DCP1B: variants seen among roughly 807,000 people sequenced by gnomAD.
DCP1B encodes the protein decapping mRNA 1B, also known as mRNA-decapping enzyme 1B.
Under a neutral mutation model 60.5 loss-of-function variants are expected in DCP1B, and 47 were observed. That is an observed-to-expected ratio of 0.78 (90% CI 0.61 to 0.99). The LOEUF (loss-of-function observed/expected upper bound fraction) is 0.99, where lower values mean the gene tolerates loss of function less well. Ranked by LOEUF, DCP1B falls within the 50% of genes least tolerant of loss-of-function variation. DCP1B has a pLI of 0.00. For synonymous variants in DCP1B, 267 were observed against 280.3 expected, an observed-to-expected ratio of 0.95 and a Z score of 0.47; for missense variants, 725 against 756.8, an observed-to-expected ratio of 0.96 and a Z score of 0.49.
downstream of DCP1B, chr12:1,946,007 T>G: frequency 4.5e-6 from 2 of 449,256 alleles, no homozygotes; most frequent in South Asian, 3.8e-5. Flanking sequence ...GTTCTGTACA[T>G]GTACCCCAGA....
intron 5 of DCP1B, among the ~76,000 whole-genome samples, chr12:1,960,912 CCT>C (rs1488521934): frequency 6.6e-6 from 1 of 152,148 alleles, no homozygotes; most frequent in Non-Finnish European, 1.5e-5. Context: ...CATTTCACCC[CCT>C]TTCTTCTGTC....
intron 3 of DCP1B, among the ~76,000 whole-genome samples, chr12:1,974,740 A>G (rs1269988337): frequency 6.6e-6 from 1 of 152,178 alleles, no homozygotes; most frequent in African/African-American, 2.4e-5. Context: ...AATGACCTGA[A>G]AAATGTAAGA....
chr12:1,984,642 A>C (rs1408679923), intron 3 of DCP1B, among the ~76,000 whole-genome samples: 1 of 151,956 alleles, frequency 6.6e-6, no homozygotes, highest in Non-Finnish European at 1.5e-5. Flanking sequence ...AGAAAAAATA[A>C]ATCTTTTGTA....
At chr12:1,961,847 T>C (rs1378966810) in intron 5 of DCP1B, among the ~76,000 whole-genome samples, 3 of 152,114 alleles carry the variant, frequency 2.0e-5, no homozygotes, top group Non-Finnish European at 4.4e-5. Context: ...CTAAATTAAA[T>C]CTCCAGAACC....
chr12:1,990,984 CAA>C (rs58516806), intron 3 of DCP1B: 15,569 of 316,926 alleles, frequency 0.049, 126 homozygotes, highest in Middle Eastern at 0.073. Flanking sequence ...ATAGAAAGGA[CAA>C]AAAAAAAAAA....
rs2030844121 is a variant in DCP1B at position 1,955,352 on chromosome 12, C to T, written c.651+80G>A. On this transcript the variant is annotated intron_variant, in intron 6 of 8. Transcript: ENST00000280665. ...AAGCATTCTTCAACAACACCAGGCC[C>T]TCCCCTGACTATATTCTGGGTCAAA... 5.5e-6 allele frequency: 8 copies of T among 1,465,082 alleles called. No individual in the cohort carries two copies. In the South Asian group the frequency reaches 1.2e-4, roughly 23 times the overall value. 90.8% of individuals were successfully genotyped at this position (1,465,082 alleles called of 1,614,324 possible). A position where few individuals can be genotyped will look rare whatever the true frequency, so the allele number is the denominator to read the frequency against.
intron 3 of DCP1B, among the ~76,000 whole-genome samples, chr12:1,977,712 T>C (rs1226971732): frequency 2.0e-5 from 3 of 152,218 alleles, no homozygotes; most frequent in African/African-American, 2.4e-5. Flanking sequence ...AATTAATTAA[T>C]GGTAACATAG....
intron 3 of DCP1B, among the ~76,000 whole-genome samples, chr12:1,973,232 A>C (rs1459186422): frequency 6.6e-6 from 1 of 152,158 alleles, no homozygotes; most frequent in East Asian, 1.9e-4. Context: ...GTTTTACTGC[A>C]CCTCACAAAT....
rs762380372 is a variant in DCP1B at position 2,004,382 on chromosome 12, C to G, written c.50G>C (p.Ser17Thr). The G allele has an allele frequency of 3.7e-6, 6 of 1,612,826 alleles. No homozygotes were observed. The Admixed American group carries it at 1.0e-4, about 27-fold the overall frequency. ...GTCGTGGCGCTGCAGGGCCGCTAGG[C>G]TGATGTCGCGCCCCTTTCCCACCAG... ...GGLVGKGRDI[S>T]LAALQRHDPY... The change falls in exon 1 of 9, where the codon AGC becomes ACC. Residue 17 changes from serine (S) to threonine (T), a missense_variant. Ser to Thr is a moderately conservative substitution (Grantham distance 58). Transcript: ENST00000280665.
intron 4 of DCP1B, among the ~76,000 whole-genome samples, chr12:1,966,329 A>G (rs780839803): frequency 6.6e-6 from 1 of 152,242 alleles, no homozygotes. Context: ...TTAAAAAACC[A>G]CTTAGAGCAA....
At chr12:1,976,209 G>A (rs2034308243) in intron 3 of DCP1B, among the ~76,000 whole-genome samples, 1 of 152,150 alleles carries the variant, frequency 6.6e-6, no homozygotes, top group East Asian at 1.9e-4. Context: ...CATCACTCAA[G>A]TCACAGTAGA....
At chr12:1,958,327 G>A (rs780326241) in intron 5 of DCP1B, among the ~76,000 whole-genome samples, 4 of 144,924 alleles carry the variant, frequency 2.8e-5, no homozygotes, top group African/African-American at 5.1e-5. Context: ...GCTCCCTAAC[G>A]TCGCTCTGGG....
chr12:2,001,087 T>C (rs1266846884), intron 1 of DCP1B, among the ~76,000 whole-genome samples: 1 of 152,134 alleles, frequency 6.6e-6, no homozygotes, highest in Non-Finnish European at 1.5e-5. Flanking sequence ...TCAGATCTTT[T>C]GATGAAAAAA....
intron 2 of DCP1B, among the ~76,000 whole-genome samples, chr12:1,993,934 C>G (rs772828477): frequency 5.3e-5 from 8 of 152,120 alleles, no homozygotes; most frequent in Non-Finnish European, 8.8e-5. Context: ...GAGGACACAG[C>G]CTGAACTAGA....
rs184393168 is a variant in DCP1B at position 1,979,368 on chromosome 12, G to A, written c.320-11458C>T. ...CTGGCTTCATCGCCCAGGCTGGAGTGCAGTGGTGCCATCTTGGCTCACTAC... is the reference window on the plus strand; with the variant it reads ...CTGGCTTCATCGCCCAGGCTGGAGTACAGTGGTGCCATCTTGGCTCACTAC... On this transcript the variant is annotated intron_variant, in intron 3 of 8. Transcript: ENST00000280665. Among the ~76,000 whole-genome samples the A allele has an allele frequency of 2.4e-3, 366 of 152,220 alleles. 2 individuals carry two copies. Among genetic ancestry groups the A allele is most frequent in the African/African-American group, 8.6e-3 (356 of 41,520 alleles).
intron 3 of DCP1B, chr12:1,992,079 TG>T: frequency 2.7e-6 from 1 of 369,374 alleles, no homozygotes. Context: ...GTCCTGGAGT[TG>T]GAATTCCAAG....
At position 1,949,191 on chromosome 12, in the gene DCP1B, A is replaced by C. The variant is rs775709702; in HGVS notation, c.1668T>G (p.Ala556=). Residue 556 remains alanine, a synonymous_variant, in exon 8 of 9, where the codon GCT becomes GCG. Transcript: ENST00000280665. ...GTATGGGCAGGAGGAGGCTGGTGGC[A>C]GCAGCAGGTGGCTCCTGGCCTCCCA... ...LPVGGQEPPA[A]ATSLLLPIQS... The C allele has an allele frequency of 1.9e-6, 3 of 1,614,176 alleles. No individual in the cohort carries two copies. The highest frequency in any genetic ancestry group is 2.2e-5 in the South Asian group (2 of 91,084).
intron 3 of DCP1B, 22 bp from the exon 4 acceptor site, chr12:1,967,932 C>T (rs77559005): frequency 6.2e-7 from 1 of 1,600,986 alleles, no homozygotes; most frequent in South Asian, 1.1e-5. Context: ...ACACATCAAA[C>T]AAATTATGAG....
At chr12:1,945,472 G>A (rs1341044595), downstream of DCP1B, among the ~76,000 whole-genome samples, 4 of 151,940 alleles carry the variant, frequency 2.6e-5, no homozygotes, top group African/African-American at 9.7e-5. Context: ...CCCATAACTA[G>A]GTATATACCC....
Sources: gnomAD v4.1 joint callset for allele counts (sites outside exome capture counted in the v4.1 genomes callset) on GRCh38, gnomAD v4.1.1 for gene constraint, MANE v1.5 for transcripts, NCBI Gene and HGNC (gene_info 2026-07-23, HGNC 2026-07-21) for gene names.